Variants in PTPRK observed in about 807,000 individuals in gnomAD.
The protein encoded by PTPRK is receptor-type tyrosine-protein phosphatase kappa.
A neutral mutation model predicts 178.0 loss-of-function variants in PTPRK; 75 were observed. The observed-to-expected ratio is 0.42, with a 90% CI of 0.35 to 0.51. The LOEUF is 0.51. Ranked by LOEUF, PTPRK falls within the 20% of genes least tolerant of loss-of-function variation. The pLI is 0.02. For missense variants in PTPRK, 1,441 were observed against 1,797.8 expected, an observed-to-expected ratio of 0.80 and a Z score of 3.59; for synonymous variants, 637 against 620.6, an observed-to-expected ratio of 1.03 and a Z score of -0.39.
intron 2 of PTPRK, among the ~76,000 whole-genome samples, chr6:128,341,815 T>C (rs1479049488): frequency 6.6e-6 from 1 of 152,154 alleles, no homozygotes; most frequent in Non-Finnish European, 1.5e-5. Context: ...AGAATACAGG[T>C]TTATTTGTCA....
intron 1 of PTPRK, among the ~76,000 whole-genome samples, chr6:128,417,560 GTGT>G (rs1406554257): frequency 6.6e-6 from 1 of 152,126 alleles, no homozygotes; most frequent in Non-Finnish European, 1.5e-5. Context: ...GAAAACTAAT[GTGT>G]TTGCATATCA....
At chr6:128,498,656 G>A (rs1282293655) in intron 1 of PTPRK, among the ~76,000 whole-genome samples, 1 of 152,162 alleles carries the variant, frequency 6.6e-6, no homozygotes, top group South Asian at 2.1e-4. Context: ...ATGCCACACT[G>A]ATACATAAAA....
intron 6 of PTPRK, among the ~76,000 whole-genome samples, chr6:128,203,298 C>T (rs1583465379): frequency 6.6e-6 from 1 of 152,024 alleles, no homozygotes; most frequent in East Asian, 1.9e-4. Context: ...TATGACAAAC[C>T]CACAGGCAAA....
intron 7 of PTPRK, among the ~76,000 whole-genome samples, chr6:128,133,277 A>T (rs1794532108): frequency 6.6e-6 from 1 of 152,184 alleles, no homozygotes; most frequent in African/African-American, 2.4e-5. Context: ...TCTACGGTTT[A>T]TTTCAGGTTT....
chr6:128,133,800 G>T (rs1328845862), intron 7 of PTPRK, among the ~76,000 whole-genome samples: 1 of 150,076 alleles, frequency 6.7e-6, no homozygotes, highest in African/African-American at 2.5e-5. Flanking sequence ...TGATCTTCTC[G>T]TCTTGCCTTC....
At chr6:128,082,901 A>G (rs1483580562) in intron 9 of PTPRK, among the ~76,000 whole-genome samples, 2 of 152,132 alleles carry the variant, frequency 1.3e-5, no homozygotes, top group African/African-American at 4.8e-5. Context: ...CAAAAAAACC[A>G]CAATAAATTA....
intron 1 of PTPRK, among the ~76,000 whole-genome samples, chr6:128,476,213 G>A (rs2128421089): frequency 6.6e-6 from 1 of 151,940 alleles, no homozygotes; most frequent in African/African-American, 2.4e-5. Context: ...CATTTTTACT[G>A]GGGTCATAAA....
At chr6:128,331,092 C>T (rs1031490308) in intron 2 of PTPRK, among the ~76,000 whole-genome samples, 8 of 152,070 alleles carry the variant, frequency 5.3e-5, no homozygotes, top group African/African-American at 1.9e-4. Flanking sequence ...ATAGCACTTT[C>T]CACTTACTGA....
chr6:127,969,061 T>G lies in PTPRK; in HGVS notation c.*1166A>C, dbSNP rs1419167014. 2 of 152,230 alleles carry G rather than the reference T, an allele frequency of 1.3e-5. No homozygotes were observed. Among genetic ancestry groups the G allele is most frequent in the African/African-American group, 2.4e-5 (1 of 41,466 alleles). 9.4% of individuals were successfully genotyped at this position (152,230 alleles called of 1,614,324 possible). On this transcript the variant is annotated 3_prime_UTR_variant, in exon 30 of 30. Coordinates refer to ENST00000368226, the MANE Select transcript of PTPRK (RefSeq NM_002844.4). Reference sequence around the variant, plus strand: ...AACGCAAAGCTTGTGCATGTAAACATCAAGAGAAACATTTTATCACCCTGA... The same window carrying G: ...AACGCAAAGCTTGTGCATGTAAACAGCAAGAGAAACATTTTATCACCCTGA...
intron 6 of PTPRK, among the ~76,000 whole-genome samples, chr6:128,201,683 A>AC: frequency 6.6e-6 from 1 of 152,124 alleles, no homozygotes; most frequent in South Asian, 2.1e-4. Context: ...ACATAGTGAG[A>AC]CCCCATCTCT....
intron 5 of PTPRK, among the ~76,000 whole-genome samples, chr6:128,236,346 T>G (rs1813264597): frequency 7.0e-6 from 1 of 142,558 alleles, no homozygotes; most frequent in Admixed American, 7.0e-5. Flanking sequence ...TAAATTTCTT[T>G]TTTTTTTTTT....
intron 15 of PTPRK, among the ~76,000 whole-genome samples, chr6:128,002,290 CA>C (rs1365117659): frequency 6.6e-6 from 1 of 151,558 alleles, no homozygotes; most frequent in East Asian, 1.9e-4. Flanking sequence ...TTTTTGTTCA[CA>C]AGAAATGTTA....
At position 128,078,910 on chromosome 6, in the gene PTPRK, A is replaced by C. The variant is rs1206625806; in HGVS notation, c.1786T>G (p.Leu596Val). The change falls in exon 11 of 30, where the codon TTA becomes GTA. Residue 596 changes from leucine (L) to valine (V), a missense_variant. Leu to Val is a conservative substitution (Grantham distance 32). Around this residue, in one of 4 missense-constraint regions of PTPRK, gnomAD observed 945 missense variants for 1,080.6 expected, o/e 0.87. Transcript: ENST00000368226. ...NVTTNISAPT[L>V]PDYEGVDASL... Reference sequence around the variant, plus strand: ...GCATCAACTCCTTCATAGTCAGGTAAAGTTGGAGCTGATGAGTGATTAATG... The same window carrying C: ...GCATCAACTCCTTCATAGTCAGGTACAGTTGGAGCTGATGAGTGATTAATG... 6.2e-7 allele frequency: 1 copy of C among 1,605,708 alleles called. No individual in the cohort carries two copies. The highest frequency in any genetic ancestry group is 8.5e-7 in the Non-Finnish European group (1 of 1,172,762).
chr6:128,416,719 G>A (rs1361748852), intron 1 of PTPRK, among the ~76,000 whole-genome samples: 1 of 151,104 alleles, frequency 6.6e-6, no homozygotes, highest in Non-Finnish European at 1.5e-5. Context: ...TCCATGCTGA[G>A]TATCCTGTAT....
At chr6:127,973,971 T>TA (rs1039415592) in intron 27 of PTPRK, 144 bp from the exon 28 acceptor site, 183 of 697,006 alleles carry the variant, frequency 2.6e-4, no homozygotes, top group Admixed American at 2.1e-3. Flanking sequence ...TACATGCTAG[T>TA]AAAAAAACAT....
At chr6:127,971,897 G>A (rs1181399796) in intron 29 of PTPRK, among the ~76,000 whole-genome samples, 6 of 152,184 alleles carry the variant, frequency 3.9e-5, no homozygotes, top group African/African-American at 1.4e-4. Flanking sequence ...TATTCATTTA[G>A]TTGCTAAGAC....
At chr6:128,395,228 T>G (rs1305991834) in intron 2 of PTPRK, among the ~76,000 whole-genome samples, 1 of 152,172 alleles carries the variant, frequency 6.6e-6, no homozygotes, top group Non-Finnish European at 1.5e-5. Context: ...ATAACATACA[T>G]GAGTGCTTTC....
intron 3 of PTPRK, among the ~76,000 whole-genome samples, chr6:128,262,857 C>CAAAAAAAAAAAAAA (rs747334195): frequency 1.3e-5 from 1 of 75,108 alleles, no homozygotes; most frequent in African/African-American, 5.1e-5. Context: ...AACCAATAAC[C>CAAAAAAAAAAAAAA]AAAAAAAAAA....
chr6:128,494,610 A>G (rs960184678), intron 1 of PTPRK, among the ~76,000 whole-genome samples: 1 of 152,232 alleles, frequency 6.6e-6, no homozygotes, highest in Non-Finnish European at 1.5e-5. Flanking sequence ...CAAAACAACA[A>G]AAGGAGAAAA....
Sources: allele counts gnomAD v4.1 joint callset (sites outside exome capture counted in the v4.1 genomes callset), GRCh38; gene constraint gnomAD v4.1.1; regional missense constraint gnomAD v4.1.1; transcripts MANE v1.5; gene names NCBI Gene and HGNC (gene_info 2026-07-23, HGNC 2026-07-21).